Variants in GLDC observed in about 807,000 individuals in gnomAD.
GLDC encodes the protein glycine decarboxylase.
GLDC carries 104 observed loss-of-function variants against 121.3 expected under a neutral mutation model. That is an observed-to-expected ratio of 0.86 (90% CI 0.73 to 1.01). The LOEUF is 1.01. Ranked by LOEUF, GLDC falls within the 50% of genes least tolerant of loss-of-function variation. The pLI is 0.00. For missense variants in GLDC, 1,429 were observed against 1,306.6 expected, an observed-to-expected ratio of 1.09 and a Z score of -1.44; for synonymous variants, 546 against 480.6, an observed-to-expected ratio of 1.14 and a Z score of -1.78.
chr9:6,577,712 C>A (rs1015829697), intron 15 of GLDC, among the ~76,000 whole-genome samples: 2 of 152,058 alleles, frequency 1.3e-5, no homozygotes, highest in African/African-American at 2.4e-5. Flanking sequence ...CACACACACA[C>A]GCAGTTTTAC....
intron 15 of GLDC, among the ~76,000 whole-genome samples, chr9:6,584,212 A>G (rs1043802371): frequency 6.6e-6 from 1 of 152,232 alleles, no homozygotes; most frequent in Admixed American, 6.5e-5. Context: ...ACTGACTCTA[A>G]TTAGTCAGGT....
intron 9 of GLDC, among the ~76,000 whole-genome samples, chr9:6,593,512 G>T (rs1193855585): frequency 1.3e-5 from 2 of 151,712 alleles, no homozygotes; most frequent in African/African-American, 4.8e-5. Flanking sequence ...ATGTTGCCCA[G>T]GCTGGCCTTG....
intron 21 of GLDC, among the ~76,000 whole-genome samples, chr9:6,544,080 G>A (rs1817332840): frequency 6.6e-6 from 1 of 152,316 alleles, no homozygotes; most frequent in South Asian, 2.1e-4. Flanking sequence ...CCTCAAGGCG[G>A]CTGCTGAGGA....
At position 6,612,206 on chromosome 9, in the gene GLDC, CACAA is replaced by C. The variant is rs959048013; in HGVS notation, c.471-1854_471-1851del. 4.6e-5 allele frequency among the ~76,000 whole-genome samples: 7 copies of C among 151,248 alleles called. No individual in the cohort carries two copies. In the East Asian group the frequency reaches 5.8e-4, roughly 13 times the overall value. On this transcript the variant is annotated intron_variant, in intron 3 of 24. Coordinates refer to ENST00000321612, the MANE Select transcript of GLDC (RefSeq NM_000170.3). Reference sequence around the variant, plus strand: ...ACACACTCACTCTCTCACACACACACACAAACACACACTCTCTCACACACACACT... The same window carrying C: ...ACACACTCACTCTCTCACACACACACACACACACTCTCTCACACACACACT...
chr9:6,642,066 C>G (rs571226875), intron 2 of GLDC, among the ~76,000 whole-genome samples: 1 of 152,270 alleles, frequency 6.6e-6, no homozygotes, highest in South Asian at 2.1e-4. Context: ...GCAGATGCAT[C>G]CTCCTCCACT....
chr9:6,582,649 G>A (rs1395268701), intron 15 of GLDC, among the ~76,000 whole-genome samples: 1 of 151,986 alleles, frequency 6.6e-6, no homozygotes, highest in East Asian at 1.9e-4. Flanking sequence ...CTAACACGGT[G>A]AAACCCTGTC....
chr9:6,573,899 C>G (rs918495609), intron 15 of GLDC, among the ~76,000 whole-genome samples: 1 of 152,146 alleles, frequency 6.6e-6, no homozygotes, highest in Non-Finnish European at 1.5e-5. Flanking sequence ...TTTAACAGTA[C>G]AAATACCTTG....
intron 12 of GLDC, among the ~76,000 whole-genome samples, chr9:6,588,938 AG>A (rs1328558847): frequency 6.6e-6 from 1 of 152,198 alleles, no homozygotes; most frequent in Non-Finnish European, 1.5e-5. Context: ...AAGAGGATAT[AG>A]GGCTCTTGGG....
intron 3 of GLDC, among the ~76,000 whole-genome samples, chr9:6,613,999 A>G (rs556393736): frequency 7.2e-5 from 11 of 151,854 alleles, no homozygotes; most frequent in Non-Finnish European, 1.3e-4. Context: ...CTGGTCTCGA[A>G]CTCCTGACCT....
rs995710302 is a variant in GLDC at position 6,617,466 on chromosome 9, C to T, written c.470+2718G>A. 2.6e-5 allele frequency among the ~76,000 whole-genome samples: 4 copies of T among 152,080 alleles called. No individual in the cohort carries two copies. In the South Asian group the frequency reaches 8.3e-4, roughly 32 times the overall value. ...GCAGCCCGTTCATGTACTTTTGAGG[C>T]TTTTCTTAAGGGGGAAGAGAAACAG... On this transcript the variant is annotated intron_variant, in intron 3 of 24. Coordinates refer to ENST00000321612, the MANE Select transcript of GLDC (RefSeq NM_000170.3).
chr9:6,601,796 T>A (rs966981915), intron 8 of GLDC, among the ~76,000 whole-genome samples: 3 of 152,030 alleles, frequency 2.0e-5, no homozygotes, highest in African/African-American at 7.2e-5. Context: ...GGCTAATTTA[T>A]TTTATTTTAT....
intron 23 of GLDC, 149 bp downstream of exon 23, chr9:6,535,915 A>G (rs1192745602): frequency 8.0e-6 from 6 of 754,200 alleles, no homozygotes; most frequent in East Asian, 2.6e-5. Flanking sequence ...GGAAACTTCA[A>G]AGTAACAACT....
At chr9:6,602,766 G>A (rs1587958505) in intron 7 of GLDC, among the ~76,000 whole-genome samples, 1 of 152,088 alleles carries the variant, frequency 6.6e-6, no homozygotes, top group Non-Finnish European at 1.5e-5. Flanking sequence ...AATGGTGACT[G>A]GGAGGATTAA....
In GLDC at chr9:6,645,511, C is replaced by G; in HGVS notation, c.-12G>C. The G allele has an allele frequency of 7.6e-7, 1 of 1,317,858 alleles. No individual in the cohort carries two copies. The highest frequency in any genetic ancestry group is 9.7e-7 in the Non-Finnish European group (1 of 1,027,238). 81.6% of individuals were successfully genotyped at this position (1,317,858 alleles called of 1,614,324 possible). A position where few individuals can be genotyped will look rare whatever the true frequency, so the allele number is the denominator to read the frequency against. On this transcript the variant is annotated 5_prime_UTR_variant, in exon 1 of 25. Transcript: ENST00000321612. Reference sequence around the variant, plus strand: ...GCACAGGACTGCATGGCCGCGGCCACCGTCCCCTGCCCCGGCCCGCAAGGG... The same window carrying G: ...GCACAGGACTGCATGGCCGCGGCCAGCGTCCCCTGCCCCGGCCCGCAAGGG...
chr9:6,642,178 G>A (rs1480652613), intron 2 of GLDC, among the ~76,000 whole-genome samples: 1 of 152,142 alleles, frequency 6.6e-6, no homozygotes, highest in African/African-American at 2.4e-5. Context: ...TATTTTCTGC[G>A]TGAATCATCC....
At chr9:6,571,376 G>T (rs954547616) in intron 15 of GLDC, among the ~76,000 whole-genome samples, 1 of 152,144 alleles carries the variant, frequency 6.6e-6, no homozygotes, top group Non-Finnish European at 1.5e-5. Flanking sequence ...ATTAGGCACA[G>T]TTACAGATTA....
chr9:6,537,047 T>G (rs78168398), intron 22 of GLDC, among the ~76,000 whole-genome samples: 3 of 142,646 alleles, frequency 2.1e-5, no homozygotes, highest in African/African-American at 7.7e-5. Context: ...TTTTTTTTTT[T>G]GGAGACAGGG....
chr9:6,573,853 C>G (rs1421208815), intron 15 of GLDC, among the ~76,000 whole-genome samples: 1 of 152,136 alleles, frequency 6.6e-6, no homozygotes, highest in Non-Finnish European at 1.5e-5. Flanking sequence ...GGTGCAGATT[C>G]CTATCTACCA....
At chr9:6,638,170 C>G (rs1168555012) in intron 2 of GLDC, among the ~76,000 whole-genome samples, 1 of 151,760 alleles carries the variant, frequency 6.6e-6, no homozygotes, top group African/African-American at 2.4e-5. Flanking sequence ...TTTCCTTTTT[C>G]TCAGTGAAGG....
Sources: gnomAD v4.1 joint callset for allele counts (sites outside exome capture counted in the v4.1 genomes callset) on GRCh38, gnomAD v4.1.1 for gene constraint, MANE v1.5 for transcripts, NCBI Gene and HGNC (gene_info 2026-07-23, HGNC 2026-07-21) for gene names.